CTNNA3: variants seen among roughly 807,000 people sequenced by gnomAD.
CTNNA3 encodes the protein catenin alpha 3.
Under a neutral mutation model 95.7 loss-of-function variants are expected in CTNNA3, and 76 were observed. The observed-to-expected ratio is 0.79, with a 90% CI of 0.66 to 0.96. The LOEUF (loss-of-function observed/expected upper bound fraction) is 0.96. Among genes scored for constraint, CTNNA3 ranks in the 40% least tolerant of loss-of-function variants. The pLI, the probability that CTNNA3 is intolerant of heterozygous loss-of-function variation, is 0.00. For synonymous variants in CTNNA3, 431 were observed against 374.4 expected (o/e 1.15, Z -1.74); for missense variants, 1,191 against 1,089.8 (o/e 1.09, Z -1.31).
intron 7 of CTNNA3, among the ~76,000 whole-genome samples, chr10:67,049,812 G>C (rs1303925269): frequency 2.0e-5 from 3 of 152,072 alleles, no homozygotes; most frequent in African/African-American, 7.2e-5. Flanking sequence ...TTAAATGTAG[G>C]TATGTGCATG....
intron 5 of CTNNA3, among the ~76,000 whole-genome samples, chr10:67,270,228 A>G (rs1838915549): frequency 6.6e-6 from 1 of 151,904 alleles, no homozygotes; most frequent in African/African-American, 2.4e-5. Context: ...TAGAGAATCT[A>G]TTAGGATAGG....
intron 13 of CTNNA3, among the ~76,000 whole-genome samples, chr10:66,279,939 A>C (rs1429490746): frequency 8.5e-5 from 13 of 152,122 alleles, no homozygotes; most frequent in Admixed American, 6.6e-4. Context: ...GGAAGGTGGA[A>C]TATATGTCCC....
At chr10:67,665,940 A>C (rs1296632152) in intron 1 of CTNNA3, among the ~76,000 whole-genome samples, 1 of 152,226 alleles carries the variant, frequency 6.6e-6, no homozygotes, top group Non-Finnish European at 1.5e-5. Flanking sequence ...AAGTAGAAAG[A>C]AAAAATATAA....
intron 15 of CTNNA3, among the ~76,000 whole-genome samples, chr10:66,040,069 T>C (rs978838041): frequency 6.6e-6 from 1 of 151,912 alleles, no homozygotes; most frequent in African/African-American, 2.4e-5. Flanking sequence ...GCAAAGGACA[T>C]GAACAGACAC....
At chr10:66,414,502 C>G (rs1023150531) in intron 11 of CTNNA3, among the ~76,000 whole-genome samples, 2 of 152,084 alleles carry the variant, frequency 1.3e-5, no homozygotes, top group African/African-American at 4.8e-5. Flanking sequence ...ACGGGAGAGT[C>G]CTCAATACTC....
chr10:66,260,532 T>A (rs2090958825), intron 13 of CTNNA3, among the ~76,000 whole-genome samples: 1 of 152,112 alleles, frequency 6.6e-6, no homozygotes, highest in Admixed American at 6.6e-5. Flanking sequence ...TAATTTGCCA[T>A]TTGTCAGTTG....
intron 10 of CTNNA3, among the ~76,000 whole-genome samples, chr10:66,570,695 A>T (rs1255228797): frequency 6.6e-6 from 1 of 152,126 alleles, no homozygotes; most frequent in African/African-American, 2.4e-5. Context: ...AAAGTAAAAA[A>T]AAAAAAATTA....
In CTNNA3 at chr10:66,280,496, T is replaced by C. The variant is rs772371271; in HGVS notation, c.1858A>G (p.Ile620Val). Reference protein sequence around the residue: ...SKKIYDTIHDIRCSVMMIRTP... With the variant: ...SKKIYDTIHDVRCSVMMIRTP... Reference sequence around the variant, plus strand: ...CGAATCATCATGACTGAACATCTGATATCATGAATTGTATCATAGATCTTC... The same window carrying C: ...CGAATCATCATGACTGAACATCTGACATCATGAATTGTATCATAGATCTTC... Residue 620 changes from isoleucine to valine, a missense_variant, in exon 13 of 18, where the codon ATC becomes GTC. Physicochemically the swap from Ile to Val is conservative, Grantham distance 29. Transcript: ENST00000433211. 2.5e-6 allele frequency: 4 copies of C among 1,606,986 alleles called. No homozygotes were observed. The highest frequency in any genetic ancestry group is 3.4e-6 in the Non-Finnish European group (4 of 1,177,232).
chr10:66,058,040 A>G (rs1459997433), intron 15 of CTNNA3, among the ~76,000 whole-genome samples: 1 of 152,186 alleles, frequency 6.6e-6, no homozygotes. Flanking sequence ...AATATTTCTA[A>G]TTCCCTTTGC....
At chr10:66,365,421 G>T (rs1034370377) in intron 12 of CTNNA3, among the ~76,000 whole-genome samples, 2 of 152,252 alleles carry the variant, frequency 1.3e-5, no homozygotes, top group South Asian at 4.1e-4. Flanking sequence ...AACATTGGTA[G>T]AAATACCTAA....
rs1462434910 is a variant in CTNNA3, at chr10:67,342,791, T to C, written c.580-122921A>G. On this transcript the variant is annotated intron_variant, in intron 5 of 17. Coordinates refer to ENST00000433211, the MANE Select transcript of CTNNA3 (RefSeq NM_013266.4). ...TTCTGGATTCTTTATTCTGTTCCAT[T>C]GGCCTGTGTGTCTGTTTTTATGCCA... Among the ~76,000 whole-genome samples the C allele has an allele frequency of 2.6e-5, 4 of 152,342 alleles. No individual in the cohort carries two copies. The East Asian group carries it at 5.8e-4, about 22-fold the overall frequency.
rs532086025 is a variant in CTNNA3 at position 67,356,601 on chromosome 10, T to C, written c.580-136731A>G. ...TTTTTATTATCAATAACAGCAGCCC[T>C]CCATGACCTCAACTCCAAGTATCCA... On this transcript the variant is annotated intron_variant, in intron 5 of 17. Coordinates refer to ENST00000433211, the MANE Select transcript of CTNNA3 (RefSeq NM_013266.4). 1.5e-3 allele frequency among the ~76,000 whole-genome samples: 232 copies of C among 152,148 alleles called. 11 individuals carry two copies. In the South Asian group the frequency reaches 0.047, roughly 31 times the overall value.
At chr10:67,069,132 A>G (rs1016202227) in intron 7 of CTNNA3, among the ~76,000 whole-genome samples, 3 of 152,078 alleles carry the variant, frequency 2.0e-5, no homozygotes, top group African/African-American at 7.2e-5. Context: ...CATGAGTTTA[A>G]GAGGAAATGG....
chr10:67,240,501 A>G (rs1865676605), intron 5 of CTNNA3, among the ~76,000 whole-genome samples: 1 of 152,200 alleles, frequency 6.6e-6, no homozygotes. Context: ...TAAAATTAAA[A>G]AAATGCAAGA....
chr10:66,806,756 A>ATGTGTG (rs57749652), intron 7 of CTNNA3, among the ~76,000 whole-genome samples: 1,834 of 145,790 alleles, frequency 0.013, 15 homozygotes, highest in African/African-American at 0.025. Flanking sequence ...TGTGGCATAT[A>ATGTGTG]TGTGTGTGTG....
At chr10:66,967,555 T>G (rs1435262879) in intron 7 of CTNNA3, among the ~76,000 whole-genome samples, 1 of 152,026 alleles carries the variant, frequency 6.6e-6, no homozygotes, top group East Asian at 1.9e-4. Context: ...GCACCCTCTA[T>G]ACCTTTAAGC....
chr10:67,742,688 C>T (rs934838203), intron 1 of CTNNA3, among the ~76,000 whole-genome samples: 1 of 151,004 alleles, frequency 6.6e-6, no homozygotes, highest in African/African-American at 2.4e-5. Context: ...ACAAAAAACC[C>T]TTCAAAAAAT....
intron 5 of CTNNA3, among the ~76,000 whole-genome samples, chr10:67,446,400 C>A (rs925720737): frequency 6.6e-6 from 1 of 152,134 alleles, no homozygotes; most frequent in Non-Finnish European, 1.5e-5. Context: ...ATGTGTCATT[C>A]CCCTGCTCAA....
intron 13 of CTNNA3, 149 bp from the exon 14 acceptor site, chr10:66,103,398 G>A (rs2081734184): frequency 1.5e-6 from 1 of 650,430 alleles, no homozygotes; most frequent in Non-Finnish European, 2.8e-6. Context: ...GAGAAAGGAA[G>A]GCATATGTCC....
Sources: allele counts gnomAD v4.1 joint callset (sites outside exome capture counted in the v4.1 genomes callset), GRCh38; gene constraint gnomAD v4.1.1; transcripts MANE v1.5; gene names NCBI Gene and HGNC (gene_info 2026-07-23, HGNC 2026-07-21).